DSCAM: variants seen among roughly 807,000 people sequenced by gnomAD.
DSCAM encodes the protein cell adhesion molecule DSCAM.
DSCAM carries 47 observed loss-of-function variants against 217.7 expected under a neutral mutation model. The observed-to-expected ratio is 0.22, with a 90% CI of 0.17 to 0.28. The LOEUF (loss-of-function observed/expected upper bound fraction) is 0.28, where lower values mean the gene tolerates loss of function less well. Among genes scored for constraint, DSCAM ranks in the 10% least tolerant of loss-of-function variants. DSCAM has a pLI of 1.00. For missense variants in DSCAM, 2,080 were observed against 2,618.3 expected, an observed-to-expected ratio of 0.79 and a Z score of 4.49; for synonymous variants, 1,056 against 1,015.3, an observed-to-expected ratio of 1.04 and a Z score of -0.76.
chr21:40,403,070 T>A (rs2075251519), intron 3 of DSCAM, among the ~76,000 whole-genome samples: 1 of 152,068 alleles, frequency 6.6e-6, no homozygotes, highest in African/African-American at 2.4e-5. Flanking sequence ...TCCAATAACA[T>A]GCCAACCTTG....
intron 16 of DSCAM, among the ~76,000 whole-genome samples, chr21:40,160,966 G>A (rs1454806364): frequency 6.6e-6 from 1 of 152,186 alleles, no homozygotes; most frequent in Non-Finnish European, 1.5e-5. Flanking sequence ...TGCTGGAGAG[G>A]TACAGCTTTT....
In DSCAM at chr21:40,088,242, AG is replaced by A. The variant is rs1294056781; in HGVS notation, c.3851-956del. On this transcript the variant is annotated intron_variant, in intron 21 of 32. Transcript: ENST00000400454. ...GATGGATGCACAGACCGGAAACCATAGGTGGAAGGCAGCCTTGAACTGATTC... is the reference window on the plus strand; with the variant it reads ...GATGGATGCACAGACCGGAAACCATAGTGGAAGGCAGCCTTGAACTGATTC... Among the ~76,000 whole-genome samples, 8 of 152,150 alleles carry A rather than the reference AG, an allele frequency of 5.3e-5. 1 individual carries two copies. The highest frequency in any genetic ancestry group is 1.2e-4 in the Non-Finnish European group (8 of 68,016).
chr21:40,666,746 G>T (rs569601906), intron 3 of DSCAM, among the ~76,000 whole-genome samples: 2 of 152,158 alleles, frequency 1.3e-5, no homozygotes, highest in Non-Finnish European at 2.9e-5. Context: ...GACCAGTTGC[G>T]GTTAGCGCTA....
chr21:40,506,701 A>G (rs145423319), intron 3 of DSCAM, among the ~76,000 whole-genome samples: 2 of 152,344 alleles, frequency 1.3e-5, no homozygotes, highest in Admixed American at 6.5e-5. Context: ...GGCTGCAGTA[A>G]GAGAATTCAG....
intron 3 of DSCAM, among the ~76,000 whole-genome samples, chr21:40,623,811 T>C (rs1162041605): frequency 2.0e-5 from 3 of 152,184 alleles, no homozygotes; most frequent in Non-Finnish European, 4.4e-5. Flanking sequence ...CTACGGATAG[T>C]GGTGTTTTTG....
intron 3 of DSCAM, among the ~76,000 whole-genome samples, chr21:40,426,630 G>A (rs568868823): frequency 3.9e-4 from 60 of 152,322 alleles, no homozygotes; most frequent in Admixed American, 2.4e-3. Context: ...GTTCTAGAGA[G>A]TACTATGACA....
chr21:40,540,417 AAT>A (rs2076534286), intron 3 of DSCAM, among the ~76,000 whole-genome samples: 1 of 152,122 alleles, frequency 6.6e-6, no homozygotes, highest in Non-Finnish European at 1.5e-5. Context: ...TGTCGATGTT[AAT>A]TACCCACATC....
rs141378732 is a variant in DSCAM, at chr21:40,768,579, T to A, written c.44-59808A>T. 3.7e-3 allele frequency among the ~76,000 whole-genome samples: 564 copies of A among 152,264 alleles called. 2 individuals are homozygous for A. The highest frequency in any genetic ancestry group is 0.013 in the African/African-American group (542 of 41,558). ...TTTGGGTATAATGAACGAAGCCAGC[T>A]TCAGTTTATTTTCATTAAACACAAT... On this transcript the variant is annotated intron_variant, in intron 1 of 32. Transcript: ENST00000400454.
At chr21:40,670,101 A>G (rs1334636839) in intron 3 of DSCAM, among the ~76,000 whole-genome samples, 1 of 152,226 alleles carries the variant, frequency 6.6e-6, no homozygotes, top group Non-Finnish European at 1.5e-5. Flanking sequence ...CTTTACTTAC[A>G]AATAAAATCA....
At chr21:40,014,157 G>A (rs985024059) in intron 32 of DSCAM, among the ~76,000 whole-genome samples, 4 of 152,186 alleles carry the variant, frequency 2.6e-5, no homozygotes, top group Non-Finnish European at 4.4e-5. Flanking sequence ...TCGGGAGGCC[G>A]AGGCGGAAGG....
intron 3 of DSCAM, among the ~76,000 whole-genome samples, chr21:40,397,091 A>AT (rs1306171353): frequency 6.6e-6 from 1 of 152,092 alleles, no homozygotes; most frequent in African/African-American, 2.4e-5. Flanking sequence ...AAAAACCCCA[A>AT]TTTTAATCAA....
chr21:40,608,828 CCTCTT>C (rs1385258684), intron 3 of DSCAM, among the ~76,000 whole-genome samples: 1 of 152,156 alleles, frequency 6.6e-6, no homozygotes, highest in Non-Finnish European at 1.5e-5. Flanking sequence ...GTACCAGGGA[CCTCTT>C]CTCTTCTTTA....
chr21:40,521,298 G>A (rs1163433793), intron 3 of DSCAM, among the ~76,000 whole-genome samples: 2 of 152,168 alleles, frequency 1.3e-5, no homozygotes, highest in African/African-American at 2.4e-5. Context: ...GGATCATATG[G>A]TAGGTCCACT....
intron 32 of DSCAM, among the ~76,000 whole-genome samples, chr21:40,033,312 G>A (rs893529207): frequency 4.6e-5 from 7 of 152,132 alleles, no homozygotes; most frequent in African/African-American, 1.7e-4. Context: ...AGGTCAGTGG[G>A]TGTGCACACC....
At chr21:40,317,648 G>C (rs2074213335) in intron 8 of DSCAM, among the ~76,000 whole-genome samples, 1 of 151,974 alleles carries the variant, frequency 6.6e-6, no homozygotes, top group South Asian at 2.1e-4. Flanking sequence ...TCCTGCCTCA[G>C]CCTCCCAAGT....
At chr21:40,402,993 T>A (rs1214254910) in intron 3 of DSCAM, among the ~76,000 whole-genome samples, 1 of 151,186 alleles carries the variant, frequency 6.6e-6, no homozygotes, top group Non-Finnish European at 1.5e-5. Context: ...TAATTCATAG[T>A]AATTCCCTAT....
intron 1 of DSCAM, among the ~76,000 whole-genome samples, chr21:40,779,042 A>AC: frequency 6.6e-6 from 1 of 150,566 alleles, no homozygotes; most frequent in Non-Finnish European, 1.5e-5. Context: ...GAAAAAAAAA[A>AC]AAAAAAAAAA....
Position 40,195,984 on chromosome 21 carries a change from AT to A in DSCAM, c.2357-6747del, listed in dbSNP as rs1411738081. Among the ~76,000 whole-genome samples the A allele has an allele frequency of 9.9e-5, 15 of 152,184 alleles. No homozygotes were observed. The South Asian group carries it at 1.0e-3, about 11-fold the overall frequency. Reference sequence around the variant, plus strand: ...TTTGTTATCAAGATTTACTGAATACATTTTTTTTATTATTCTATTTTAAAAC... The same window carrying A: ...TTTGTTATCAAGATTTACTGAATACATTTTTTTATTATTCTATTTTAAAAC... On this transcript the variant is annotated intron_variant, in intron 11 of 32. Coordinates refer to ENST00000400454, the MANE Select transcript of DSCAM (RefSeq NM_001389.5).
chr21:40,127,003 CT>C (rs1327696707), intron 19 of DSCAM, among the ~76,000 whole-genome samples: 1 of 152,194 alleles, frequency 6.6e-6, no homozygotes, highest in African/African-American at 2.4e-5. Context: ...AGCCTCACTG[CT>C]GGTTTCATGC....
Sources: allele counts gnomAD v4.1 joint callset (sites outside exome capture counted in the v4.1 genomes callset), GRCh38; gene constraint gnomAD v4.1.1; transcripts MANE v1.5; gene names NCBI Gene and HGNC (gene_info 2026-07-23, HGNC 2026-07-21).